Variants in STK4 observed in about 807,000 individuals in gnomAD.
STK4 encodes serine/threonine kinase 4.
Under a neutral mutation model 64.9 loss-of-function variants are expected in STK4, and 30 were observed. The observed-to-expected ratio is 0.46, with a 90% CI of 0.35 to 0.63. STK4 has a LOEUF of 0.63. Ranked by LOEUF, STK4 falls within the 20% of genes least tolerant of loss-of-function variation. The pLI is 0.01. For synonymous variants in STK4, 177 were observed against 199.0 expected, an observed-to-expected ratio of 0.89 and a Z score of 0.93; for missense variants, 466 against 598.5, an observed-to-expected ratio of 0.78 and a Z score of 2.31.
At position 44,972,066 on chromosome 20, in the gene STK4, C is replaced by T; in HGVS notation, c.36-12C>T. 1 of 1,611,060 alleles carries T rather than the reference C, an allele frequency of 6.2e-7. No individual in the cohort carries two copies. Among genetic ancestry groups the T allele is most frequent in the Non-Finnish European group, 8.5e-7 (1 of 1,178,052 alleles). ...TAAAATGTATTTTGTGTTTATATTTCTTTATTCACAGGCAGCTGAAAAAGT... is the reference window on the plus strand; with the variant it reads ...TAAAATGTATTTTGTGTTTATATTTTTTTATTCACAGGCAGCTGAAAAAGT... On this transcript the variant is annotated splice_polypyrimidine_tract_variant and intron_variant, in intron 1 of 10. Coordinates refer to ENST00000372806, the MANE Select transcript of STK4 (RefSeq NM_006282.5).
At chr20:45,074,481 G>T (rs1360220481) in intron 10 of STK4, among the ~76,000 whole-genome samples, 1 of 151,998 alleles carries the variant, frequency 6.6e-6, no homozygotes, top group Non-Finnish European at 1.5e-5. Context: ...AGTAAATGCT[G>T]GTGATGATAA....
chr20:45,022,939 C>T (rs56250131), intron 9 of STK4, among the ~76,000 whole-genome samples: 1 of 152,130 alleles, frequency 6.6e-6, no homozygotes, highest in African/African-American at 2.4e-5. Context: ...GAGGTTGGTG[C>T]GTGATATATG....
intron 5 of STK4, among the ~76,000 whole-genome samples, chr20:44,988,533 G>GTGTGTGTATATA (rs1221720136): frequency 9.8e-6 from 1 of 101,576 alleles, no homozygotes; most frequent in African/African-American, 4.8e-5. Context: ...ATGTGTGTGT[G>GTGTGTGTATATA]TATATATATA....
At chr20:44,979,679 G>T (rs2067402495) in intron 3 of STK4, among the ~76,000 whole-genome samples, 1 of 152,112 alleles carries the variant, frequency 6.6e-6, no homozygotes, top group South Asian at 2.1e-4. Flanking sequence ...CTACATTAGG[G>T]TTTAGGTGGG....
In STK4 at chr20:44,995,239, T is replaced by G. The variant is rs1391962261; in HGVS notation, c.675T>G (p.Ala225=). 1.2e-6 allele frequency: 2 copies of G among 1,612,616 alleles called. No individual in the cohort carries two copies. The highest frequency in any genetic ancestry group is 1.1e-5 in the South Asian group (1 of 90,812). The part of the protein sequence containing the change: ...IEMAEGKPPY[A]DIHPMRAIFM... ...TGGCTGAAGGAAAGCCCCCTTATGC[T>G]GATATCCATCCAATGAGGGTAAGAA... The change falls in exon 6 of 11, where the codon GCT becomes GCG. Residue 225 remains alanine, a synonymous_variant. Transcript: ENST00000372806.
intron 10 of STK4, among the ~76,000 whole-genome samples, chr20:45,066,629 G>A (rs1979598729): frequency 1.3e-5 from 2 of 152,298 alleles, no homozygotes; most frequent in Admixed American, 6.5e-5. Flanking sequence ...TATATATGTG[G>A]TCAAGTTCTC....
At chr20:45,020,439 C>CGTGTGT (rs60999826) in intron 9 of STK4, among the ~76,000 whole-genome samples, 5 of 145,314 alleles carry the variant, frequency 3.4e-5, no homozygotes, top group African/African-American at 1.0e-4. Context: ...TATGTTTATG[C>CGTGTGT]GTGTGTGTGT....
chr20:45,037,162 C>T (rs1299959779), intron 10 of STK4, among the ~76,000 whole-genome samples: 1 of 151,998 alleles, frequency 6.6e-6, no homozygotes, highest in Non-Finnish European at 1.5e-5. Flanking sequence ...AAAGAGAGAG[C>T]AAGAACCCCA....
chr20:45,032,500 A>G (rs1235274207), intron 10 of STK4, among the ~76,000 whole-genome samples: 2 of 152,106 alleles, frequency 1.3e-5, no homozygotes, highest in African/African-American at 4.8e-5. Context: ...TTGAGCTCCT[A>G]CTTACAAGTG....
At chr20:45,027,896 A>G (rs1409700336) in intron 10 of STK4, among the ~76,000 whole-genome samples, 3 of 152,202 alleles carry the variant, frequency 2.0e-5, no homozygotes, top group African/African-American at 7.2e-5. Context: ...AGCTAACATA[A>G]TGACCTCCAG....
Position 44,966,593 on chromosome 20 carries a change from C to G in STK4, c.25C>G (p.Pro9Ala). 1 of 1,273,886 alleles carries G rather than the reference C, an allele frequency of 7.9e-7. No individual in the cohort carries two copies. Among genetic ancestry groups the G allele is most frequent in the Non-Finnish European group, 1.0e-6 (1 of 1,001,806 alleles). 78.9% of individuals were successfully genotyped at this position (1,273,886 alleles called of 1,614,324 possible). A position where few individuals can be genotyped will look rare whatever the true frequency, so the allele number is the denominator to read the frequency against. METVQLRN[P>A]PRRQLKKLDE... is the part of the protein sequence containing the mutation. ...CATGGAGACGGTACAGCTGAGGAAC[C>G]CGCCGCGCCGGTGAGGGGCCACTGG... Residue 9 changes from proline (P) to alanine (A), a missense_variant, in exon 1 of 11, where the codon CCG becomes GCG. Pro to Ala is a conservative substitution (Grantham distance 27, BLOSUM62 -1). This residue lies in a region of STK4 where 190 missense variants were observed against 289.7 expected (regional missense o/e 0.66). Coordinates refer to ENST00000372806, the MANE Select transcript of STK4 (RefSeq NM_006282.5).
At chr20:45,047,815 G>A (rs2068719735) in intron 10 of STK4, among the ~76,000 whole-genome samples, 2 of 152,174 alleles carry the variant, frequency 1.3e-5, no homozygotes, top group African/African-American at 4.8e-5. Context: ...TAGTGAAGAA[G>A]AGCAGTGGGT....
intron 1 of STK4, 132 bp downstream of exon 1, chr20:44,966,735 G>A (rs1601160744): frequency 2.0e-6 from 2 of 993,760 alleles, no homozygotes; most frequent in Non-Finnish European, 2.6e-6. Context: ...TGCTGAGTGA[G>A]GGGGGGGACG....
rs1415051293 is a variant in STK4 at position 45,076,500 on chromosome 20, T to G, written c.*1324T>G. The G allele has an allele frequency of 6.6e-6, 1 of 152,238 alleles. No individual in the cohort carries two copies. Among genetic ancestry groups the G allele is most frequent in the Non-Finnish European group, 1.5e-5 (1 of 68,046 alleles). 9.4% of individuals were successfully genotyped at this position (152,238 alleles called of 1,614,324 possible). A position where few individuals can be genotyped will look rare whatever the true frequency, so the allele number is the denominator to read the frequency against. The stretch of plus-strand genomic sequence containing the variant: ...TCCAGGGAACCTTGCTAACAGAAAC[T>G]TGCTCTTGCCTTGGCTCTTCAGTAG... On this transcript the variant is annotated 3_prime_UTR_variant, in exon 11 of 11. Transcript: ENST00000372806. This position sits in a 1 kb window ranked among gnomAD's most constrained non-coding sequence, Gnocchi z 4.0.
intron 1 of STK4, among the ~76,000 whole-genome samples, chr20:44,971,831 C>T (rs1330811764): frequency 6.6e-6 from 1 of 151,808 alleles, no homozygotes; most frequent in Non-Finnish European, 1.5e-5. Context: ...TTACCACGCC[C>T]AGCTAATTTT....
intron 5 of STK4, among the ~76,000 whole-genome samples, chr20:44,992,755 C>T (rs988357495): frequency 1.3e-5 from 2 of 151,912 alleles, no homozygotes; most frequent in African/African-American, 2.4e-5. Context: ...AGGACAGTAG[C>T]GCAATCTTGG....
chr20:45,074,996 A>T, intron 10 of STK4, 22 bp from the exon 11 acceptor site: 1 of 1,613,928 alleles, frequency 6.2e-7, no homozygotes, highest in Non-Finnish European at 8.5e-7. Flanking sequence ...TGTCGTGACT[A>T]TACCTTCCAC....
intron 3 of STK4, among the ~76,000 whole-genome samples, chr20:44,979,376 T>C (rs558893542): frequency 6.6e-6 from 1 of 152,284 alleles, no homozygotes; most frequent in South Asian, 2.1e-4. Flanking sequence ...TACCTACGTA[T>C]TTATTTTTGA....
intron 10 of STK4, among the ~76,000 whole-genome samples, chr20:45,030,774 GA>G (rs1291904780): frequency 6.6e-6 from 1 of 151,780 alleles, no homozygotes; most frequent in Non-Finnish European, 1.5e-5. Context: ...CACTTTTTTG[GA>G]AAAAAATGTA....
Sources: gnomAD v4.1 joint callset for allele counts (sites outside exome capture counted in the v4.1 genomes callset) on GRCh38, gnomAD v4.1.1 for gene constraint, gnomAD v4.1.1 regional missense constraint, Gnocchi (gnomAD v3.1) non-coding constraint, MANE v1.5 for transcripts, NCBI Gene and HGNC (gene_info 2026-07-23, HGNC 2026-07-21) for gene names.